DGCR8: variants seen among roughly 807,000 people sequenced by gnomAD.
DGCR8 encodes the protein DGCR8 microprocessor complex subunit.
In DGCR8, 14 loss-of-function variants were observed where a neutral mutation model predicts 78.5. The ratio of observed to expected loss-of-function variants is 0.18; its 90% CI spans 0.12 to 0.28. DGCR8 has a LOEUF of 0.28. Ranked by LOEUF, DGCR8 falls within the 10% of genes least tolerant of loss-of-function variation. The probability of loss-of-function intolerance (pLI) is 1.00; values close to 1 mark genes in which losing one functional copy is unlikely to be tolerated. For synonymous variants in DGCR8, 399 were observed against 402.4 expected (o/e 0.99, Z 0.10); for missense variants, 702 against 1,022.5 (o/e 0.69, Z 4.28).
chr22:20,094,640 C>T (rs1447104307), intron 8 of DGCR8, 73 bp from the exon 9 acceptor site: 1 of 1,386,942 alleles, frequency 7.2e-7, no homozygotes, highest in Non-Finnish European at 1.0e-6. Flanking sequence ...GGCAGCAGTG[C>T]ACAGTTCACT....
chr22:20,105,959 G>A (rs2049764947), intron 9 of DGCR8, among the ~76,000 whole-genome samples: 1 of 152,144 alleles, frequency 6.6e-6, no homozygotes, highest in Non-Finnish European at 1.5e-5. Flanking sequence ...CAGTGCTCAG[G>A]GTGGAAGGGT....
At chr22:20,106,009 C>T (rs1220566456) in intron 9 of DGCR8, among the ~76,000 whole-genome samples, 168 bp from the exon 10 acceptor site, 3 of 152,040 alleles carry the variant, frequency 2.0e-5, no homozygotes, top group East Asian at 3.9e-4. Flanking sequence ...CGGTGAGGTA[C>T]GGAGCATGTC....
At chr22:20,103,330 TC>T (rs2049727348) in intron 9 of DGCR8, among the ~76,000 whole-genome samples, 1 of 151,134 alleles carries the variant, frequency 6.6e-6, no homozygotes, top group Non-Finnish European at 1.5e-5. Flanking sequence ...CTGTGTATAT[TC>T]TACTAGATTT....
chr22:20,104,674 GA>G (rs2049749153), intron 9 of DGCR8, among the ~76,000 whole-genome samples: 1 of 152,182 alleles, frequency 6.6e-6, no homozygotes, highest in South Asian at 2.1e-4. Context: ...ACCTTCCCTG[GA>G]AAAAGACCCA....
chr22:20,109,432 C>T (rs2049808835), intron 13 of DGCR8, among the ~76,000 whole-genome samples: 1 of 152,168 alleles, frequency 6.6e-6, no homozygotes, highest in African/African-American at 2.4e-5. Flanking sequence ...CAGGCATCGT[C>T]TGCCTGGCCA....
At chr22:20,093,470 T>C (rs975492742) in intron 8 of DGCR8, among the ~76,000 whole-genome samples, 3 of 152,184 alleles carry the variant, frequency 2.0e-5, no homozygotes, top group African/African-American at 4.8e-5. Flanking sequence ...TCCCTAGTCC[T>C]GGCCCTGCAC....
rs774706528 is a variant in DGCR8 at position 20,087,124 on chromosome 22, C to T, written c.721-38C>T. On this transcript the variant is annotated intron_variant, in intron 2 of 13. Transcript: ENST00000351989. The surrounding 1 kb of genome is among the most constrained non-coding windows in gnomAD (Gnocchi z 4.1). ...AGCTCTCCTGTTGCAGGAGCATGAGCGCCAGGGGCTCTGGTGTCTGAACAG... is the reference window on the plus strand; with the variant it reads ...AGCTCTCCTGTTGCAGGAGCATGAGTGCCAGGGGCTCTGGTGTCTGAACAG... 32 of 1,574,244 alleles carry T rather than the reference C, an allele frequency of 2.0e-5. No individual in the cohort carries two copies. The highest frequency in any genetic ancestry group is 2.2e-5 in the Non-Finnish European group (26 of 1,157,398).
intron 9 of DGCR8, among the ~76,000 whole-genome samples, chr22:20,099,218 C>T (rs938383952): frequency 6.6e-6 from 1 of 152,218 alleles, no homozygotes; most frequent in African/African-American, 2.4e-5. Context: ...GCGCAGTCAT[C>T]TCCAGACATA....
rs1445568403 is a variant in DGCR8, at chr22:20,090,665, C to A, written c.1306+407C>A. 2.6e-5 allele frequency among the ~76,000 whole-genome samples: 4 copies of A among 152,362 alleles called. No individual in the cohort carries two copies. The East Asian group carries it at 5.8e-4, about 22-fold the overall frequency. ...CCATGACTCAGTGTTGGGAAACTGT[C>A]ACCATTCTGTGGATAGTTCCCTCTT... On this transcript the variant is annotated intron_variant, in intron 5 of 13. Transcript: ENST00000351989.
At chr22:20,084,346 TC>T (rs1274060669) in intron 1 of DGCR8, among the ~76,000 whole-genome samples, 2 of 152,202 alleles carry the variant, frequency 1.3e-5, no homozygotes, top group East Asian at 3.9e-4. Context: ...GCATGCGTGT[TC>T]CTGTGCACGT....
intron 9 of DGCR8, 96 bp from the exon 10 acceptor site, chr22:20,106,081 A>C (rs762275523): frequency 1.6e-5 from 15 of 926,502 alleles, no homozygotes; most frequent in Non-Finnish European, 2.4e-5. Context: ...TCACAAGAAC[A>C]GACATTAAGC....
At position 20,111,751 on chromosome 22, in the gene DGCR8, G is replaced by A. The variant is rs971863554; in HGVS notation, c.*1643G>A. On this transcript the variant is annotated 3_prime_UTR_variant, in exon 14 of 14. Transcript: ENST00000351989. ...CGTCTGCCAAGCATGGGTATGAATCGTGCACACAGCCATGCTTCAAGGCCG... is the reference window on the plus strand; with the variant it reads ...CGTCTGCCAAGCATGGGTATGAATCATGCACACAGCCATGCTTCAAGGCCG... 2.5e-5 allele frequency: 6 copies of A among 238,002 alleles called. No individual in the cohort carries two copies. Among genetic ancestry groups the A allele is most frequent in the Admixed American group, 7.0e-5 (1 of 14,346 alleles). The allele number at this position is 238,002 out of a possible 1,614,324, so 14.7% of individuals were successfully genotyped here. A position where few individuals can be genotyped will look rare whatever the true frequency, so the allele number is the denominator to read the frequency against.
intron 11 of DGCR8, 144 bp from the exon 12 acceptor site, chr22:20,107,127 C>A (rs767985024): frequency 4.5e-5 from 38 of 838,002 alleles, no homozygotes; most frequent in Non-Finnish European, 6.5e-5. Context: ...GTGCCCAGAG[C>A]AGTGGCAGAG....
In DGCR8 at chr22:20,089,905, G is replaced by T. The variant is rs1480825625; in HGVS notation, c.1024-71G>T. ...ATGGCACCGCAGCCAAGCAGAGGCC[G>T]GTGAAAGGCATCAGAGTTTCAGACT... On this transcript the variant is annotated intron_variant, in intron 4 of 13. Coordinates refer to ENST00000351989, the MANE Select transcript of DGCR8 (RefSeq NM_022720.7). The surrounding 1 kb of genome is among the most constrained non-coding windows in gnomAD (Gnocchi z 4.9). The T allele has an allele frequency of 6.3e-7, 1 of 1,586,412 alleles. No individual in the cohort carries two copies. The highest frequency in any genetic ancestry group is 1.7e-5 in the Admixed American group (1 of 57,468).
rs1236658603 is a variant in DGCR8, at chr22:20,085,866, C to T, written c.-98C>T. 2.0e-6 allele frequency: 3 copies of T among 1,499,354 alleles called. No individual in the cohort carries two copies. Among genetic ancestry groups the T allele is most frequent in the South Asian group, 2.7e-5 (2 of 74,860 alleles). 92.9% of individuals were successfully genotyped at this position (1,499,354 alleles called of 1,614,324 possible). Reference sequence around the variant, plus strand: ...CGCCAGCGCACAGCGCGGCAGGACGCGCCCGGGTCTCAGCGGACTTGTGCA... The same window carrying T: ...CGCCAGCGCACAGCGCGGCAGGACGTGCCCGGGTCTCAGCGGACTTGTGCA... On this transcript the variant is annotated 5_prime_UTR_variant, in exon 2 of 14. Transcript: ENST00000351989. The surrounding 1 kb of genome is among the most constrained non-coding windows in gnomAD (Gnocchi z 6.2).
chr22:20,092,517 A>G (rs1239998766), intron 7 of DGCR8, among the ~76,000 whole-genome samples: 2 of 152,128 alleles, frequency 1.3e-5, no homozygotes, highest in Non-Finnish European at 2.9e-5. Context: ...CGTCTTTCGT[A>G]GACCTTGGTC....
intron 12 of DGCR8, 129 bp from the exon 13 acceptor site, chr22:20,108,761 T>C: frequency 1.5e-6 from 1 of 689,016 alleles, no homozygotes; most frequent in Non-Finnish European, 2.7e-6. Context: ...CCACAGCTCC[T>C]GGCTGTTTCG....
Position 20,111,410 on chromosome 22 carries a change from G to A in DGCR8, c.*1302G>A, listed in dbSNP as rs562754152. On this transcript the variant is annotated 3_prime_UTR_variant, in exon 14 of 14. Coordinates refer to ENST00000351989, the MANE Select transcript of DGCR8 (RefSeq NM_022720.7). ...GGAAAACAATGTTGGCCTGTGGGCC[G>A]CCCACAACATATCCTTCCCTCACTA... is the stretch of plus-strand genomic sequence containing the variant. 34 of 396,200 alleles carry A rather than the reference G, an allele frequency of 8.6e-5. No homozygotes were observed. In the South Asian group the frequency reaches 3.1e-3, roughly 36 times the overall value. The allele number at this position is 396,200 out of a possible 1,614,324, so 24.5% of individuals were successfully genotyped here. A position where few individuals can be genotyped will look rare whatever the true frequency, so the allele number is the denominator to read the frequency against.
rs780511899 is a variant in DGCR8, at chr22:20,087,115, G to C, written c.721-47G>C. ...ATGCTGTTGAGCTCTCCTGTTGCAG[G>C]AGCATGAGCGCCAGGGGCTCTGGTG... On this transcript the variant is annotated intron_variant, in intron 2 of 13. Transcript: ENST00000351989. This position sits in a 1 kb window ranked among gnomAD's most constrained non-coding sequence, Gnocchi z 4.1. The C allele has an allele frequency of 6.4e-7, 1 of 1,565,662 alleles. No individual in the cohort carries two copies. The highest frequency in any genetic ancestry group is 2.3e-5 in the East Asian group (1 of 44,312).
Sources: allele counts gnomAD v4.1 joint callset (sites outside exome capture counted in the v4.1 genomes callset), GRCh38; gene constraint gnomAD v4.1.1; non-coding constraint Gnocchi (gnomAD v3.1); transcripts MANE v1.5; gene names NCBI Gene and HGNC (gene_info 2026-07-23, HGNC 2026-07-21).